MDGA2: variants seen among roughly 807,000 people sequenced by gnomAD.
MDGA2 encodes MAM domain containing glycosylphosphatidylinositol anchor 2, also known as MAM domain-containing glycosylphosphatidylinositol anchor protein 2.
MDGA2 carries 40 observed loss-of-function variants against 117.8 expected under a neutral mutation model. The ratio of observed to expected loss-of-function variants is 0.34; its 90% CI spans 0.26 to 0.44. MDGA2 has a LOEUF of 0.44. Ranked by LOEUF, MDGA2 falls within the 20% of genes least tolerant of loss-of-function variation. The pLI, the probability that MDGA2 is intolerant of heterozygous loss-of-function variation, is 1.00. For missense variants in MDGA2, 1,123 were observed against 1,250.6 expected, an observed-to-expected ratio of 0.90 and a Z score of 1.54; for synonymous variants, 452 against 439.0, an observed-to-expected ratio of 1.03 and a Z score of -0.37.
chr14:47,606,467 T>C (rs1055988457), intron 1 of MDGA2, among the ~76,000 whole-genome samples: 3 of 152,230 alleles, frequency 2.0e-5, no homozygotes, highest in Non-Finnish European at 2.9e-5. Context: ...TATGTTTAAA[T>C]GTATTTATTA....
At chr14:46,885,193 A>G (rs1882625793) in intron 10 of MDGA2, among the ~76,000 whole-genome samples, 1 of 152,094 alleles carries the variant, frequency 6.6e-6, no homozygotes, top group Non-Finnish European at 1.5e-5. Context: ...AATCATGAAG[A>G]AAAAGATTGA....
rs150197163 is a variant in MDGA2, at chr14:47,510,065, C to T, written c.280+164452G>A. On this transcript the variant is annotated intron_variant, in intron 1 of 16. Coordinates refer to ENST00000399232, the MANE Select transcript of MDGA2 (RefSeq NM_001113498.3). ...CTCATGAAAATTCGTACGTCGAATT[C>T]CTAACTCTCAATTGTGATGGTAACA... Among the ~76,000 whole-genome samples, 294 of 152,114 alleles carry T rather than the reference C, an allele frequency of 1.9e-3. 2 individuals are homozygous for T. Among genetic ancestry groups the T allele is most frequent in the African/African-American group, 6.9e-3 (287 of 41,486 alleles).
At chr14:47,337,356 G>A (rs1890490999) in intron 1 of MDGA2, among the ~76,000 whole-genome samples, 1 of 152,064 alleles carries the variant, frequency 6.6e-6, no homozygotes, top group Admixed American at 6.6e-5. Flanking sequence ...CTAAGATTAA[G>A]AGAAAAGTGG....
intron 1 of MDGA2, among the ~76,000 whole-genome samples, chr14:47,661,371 T>C (rs577585441): frequency 8.9e-4 from 135 of 152,322 alleles, no homozygotes; most frequent in Admixed American, 1.8e-3. Flanking sequence ...TGGCATACAG[T>C]AGGCACTTGA....
At chr14:47,200,955 G>C (rs1424929021) in intron 3 of MDGA2, 1 of 831,606 alleles carries the variant, frequency 1.2e-6, no homozygotes, top group African/African-American at 1.7e-5. Flanking sequence ...ACTTCAACTT[G>C]TTTCTGTAGA....
At chr14:47,641,526 G>A (rs1897423159) in intron 1 of MDGA2, among the ~76,000 whole-genome samples, 2 of 152,072 alleles carry the variant, frequency 1.3e-5, no homozygotes, top group Admixed American at 1.3e-4. Context: ...TCCAGTGAAA[G>A]AGAGGATACC....
intron 1 of MDGA2, among the ~76,000 whole-genome samples, chr14:47,638,342 C>T (rs569743404): frequency 6.6e-6 from 1 of 152,138 alleles, no homozygotes; most frequent in Non-Finnish European, 1.5e-5. Flanking sequence ...GAAAACTTAG[C>T]AACAACAGTA....
intron 1 of MDGA2, among the ~76,000 whole-genome samples, chr14:47,446,313 T>C (rs2138559586): frequency 6.6e-6 from 1 of 152,302 alleles, no homozygotes; most frequent in Middle Eastern, 3.4e-3. Flanking sequence ...GAGAAGATTA[T>C]ACAAGAAATC....
chr14:47,566,358 A>C (rs1594921221), intron 1 of MDGA2, among the ~76,000 whole-genome samples: 1 of 152,316 alleles, frequency 6.6e-6, no homozygotes, highest in East Asian at 1.9e-4. Flanking sequence ...GTCAGCAGAC[A>C]GAAGCATGCT....
intron 7 of MDGA2, among the ~76,000 whole-genome samples, chr14:47,046,770 G>A (rs561573357): frequency 2.0e-5 from 3 of 152,012 alleles, no homozygotes; most frequent in African/African-American, 7.2e-5. Flanking sequence ...GGATCCTATA[G>A]CTAAAAAGCC....
chr14:47,556,507 G>A (rs918763453), intron 1 of MDGA2, among the ~76,000 whole-genome samples: 1 of 152,194 alleles, frequency 6.6e-6, no homozygotes, highest in Admixed American at 6.5e-5. Context: ...ACAGCCAGAA[G>A]TAAACTCAGC....
At chr14:47,418,652 T>TG (rs1032122808) in intron 1 of MDGA2, among the ~76,000 whole-genome samples, 2 of 152,122 alleles carry the variant, frequency 1.3e-5, no homozygotes, top group African/African-American at 4.8e-5. Flanking sequence ...ATATAAATTT[T>TG]GGGGGGACTC....
chr14:47,404,116 T>C (rs1406763039), intron 1 of MDGA2, among the ~76,000 whole-genome samples: 1 of 152,214 alleles, frequency 6.6e-6, no homozygotes, highest in African/African-American at 2.4e-5. Flanking sequence ...GTTAAATCTT[T>C]ATTTTGTTAT....
chr14:47,223,410 G>A (rs981781546), intron 2 of MDGA2, among the ~76,000 whole-genome samples: 11 of 152,242 alleles, frequency 7.2e-5, no homozygotes, highest in African/African-American at 2.6e-4. Flanking sequence ...ATTTAATGTT[G>A]GTTTGGGCTG....
At chr14:47,390,082 C>T (rs1461993663) in intron 1 of MDGA2, among the ~76,000 whole-genome samples, 1 of 152,090 alleles carries the variant, frequency 6.6e-6, no homozygotes, top group Non-Finnish European at 1.5e-5. Flanking sequence ...CGTAGAACTT[C>T]AGCATTTGAG....
chr14:47,197,308 G>A (rs1010565972), intron 3 of MDGA2, among the ~76,000 whole-genome samples: 4 of 152,112 alleles, frequency 2.6e-5, no homozygotes, highest in African/African-American at 9.7e-5. Flanking sequence ...GAAGCCTCAT[G>A]AAGGGGATTA....
chr14:46,914,281 T>C (rs1883819343), intron 10 of MDGA2, among the ~76,000 whole-genome samples: 1 of 152,146 alleles, frequency 6.6e-6, no homozygotes, highest in Non-Finnish European at 1.5e-5. Context: ...GGTTAATAGC[T>C]GTCTAAGGAG....
At chr14:47,430,446 G>A (rs1175438871) in intron 1 of MDGA2, among the ~76,000 whole-genome samples, 2 of 152,022 alleles carry the variant, frequency 1.3e-5, no homozygotes, top group South Asian at 2.1e-4. Context: ...CCTTTGCCAC[G>A]ATCTGCGTTT....
At position 46,965,835 on chromosome 14, in the gene MDGA2, G is replaced by GGC. The variant is rs1886007308; in HGVS notation, c.1820-8193_1820-8192insGC. ...TTTTTTATGGCATAAAATTTATTCA[G>GGC]AATGTTTTTATGAAGTATTCAACAT... On this transcript the variant is annotated intron_variant, in intron 8 of 16. Transcript: ENST00000399232. 2.0e-5 allele frequency among the ~76,000 whole-genome samples: 3 copies of GGC among 152,214 alleles called. No homozygotes were observed. In the South Asian group the frequency reaches 6.2e-4, roughly 32 times the overall value.
Sources: allele counts gnomAD v4.1 joint callset (sites outside exome capture counted in the v4.1 genomes callset), GRCh38; gene constraint gnomAD v4.1.1; transcripts MANE v1.5; gene names NCBI Gene and HGNC (gene_info 2026-07-23, HGNC 2026-07-21).